The following ZFAT variants were observed in gnomAD, a reference collection of about 807,000 sequenced individuals.
ZFAT encodes zinc finger and AT-hook domain containing, also known as zinc finger protein ZFAT.
In ZFAT, 64 loss-of-function variants were observed where a neutral mutation model predicts 117.7. The ratio of observed to expected loss-of-function variants is 0.54; its 90% CI spans 0.44 to 0.67. The LOEUF is 0.67. ZFAT is among the 30% of genes least tolerant of loss of function. The pLI is 0.00. For missense variants in ZFAT, 1,433 were observed against 1,584.5 expected, an observed-to-expected ratio of 0.90 and a Z score of 1.62; for synonymous variants, 679 against 615.0, an observed-to-expected ratio of 1.10 and a Z score of -1.54.
intron 3 of ZFAT, among the ~76,000 whole-genome samples, chr8:134,634,174 G>A (rs191229797): frequency 2.8e-4 from 42 of 152,248 alleles, no homozygotes; most frequent in African/African-American, 8.9e-4. Flanking sequence ...ATAAAAAAGC[G>A]CTAGAAAACA....
At chr8:134,700,648 C>T (rs1042986278) in intron 1 of ZFAT, among the ~76,000 whole-genome samples, 4 of 152,194 alleles carry the variant, frequency 2.6e-5, no homozygotes, top group African/African-American at 7.2e-5. Context: ...CTGGCCAGTC[C>T]GGGGGGAGGC....
At chr8:134,506,785 T>C (rs530087799) in intron 15 of ZFAT, among the ~76,000 whole-genome samples, 5 of 152,230 alleles carry the variant, frequency 3.3e-5, no homozygotes, top group African/African-American at 4.8e-5. Flanking sequence ...TTATGTACAA[T>C]GTAGAATTTG....
intron 10 of ZFAT, among the ~76,000 whole-genome samples, chr8:134,566,176 C>G (rs551206594): frequency 6.6e-6 from 1 of 152,024 alleles, no homozygotes; most frequent in Admixed American, 6.6e-5. Context: ...GGGCAGATCA[C>G]GAGGTCAGGA....
chr8:134,830,222 G>T, the ZFAT span, among the ~76,000 whole-genome samples: 2 of 152,162 alleles, frequency 1.3e-5, no homozygotes, highest in Non-Finnish European at 2.9e-5. Flanking sequence ...TATATTACAA[G>T]AAATAATCTT....
chr8:134,729,606 C>T, the ZFAT span, among the ~76,000 whole-genome samples: 3 of 152,154 alleles, frequency 2.0e-5, no homozygotes, highest in East Asian at 5.8e-4. Flanking sequence ...ACCATTCTAC[C>T]ACCAGAGTTG....
chr8:134,640,850 A>G (rs1830539584), intron 2 of ZFAT, among the ~76,000 whole-genome samples: 1 of 152,220 alleles, frequency 6.6e-6, no homozygotes, highest in South Asian at 2.1e-4. Context: ...CTCGCATTTT[A>G]TGGCAGAGCT....
chr8:134,631,430 G>A lies in ZFAT; in HGVS notation c.448+6031C>T, dbSNP rs577802190. 1.3e-3 allele frequency among the ~76,000 whole-genome samples: 198 copies of A among 152,282 alleles called. 3 individuals carry two copies. The highest frequency in any genetic ancestry group is 4.3e-4 in the Non-Finnish European group (29 of 68,022). On this transcript the variant is annotated intron_variant, in intron 3 of 15. Transcript: ENST00000377838. ...GCAAACTGGTAACGGGGCAGGAGTCGGGAGACACGGGCCCCAACCAGCCCC... is the reference window on the plus strand; with the variant it reads ...GCAAACTGGTAACGGGGCAGGAGTCAGGAGACACGGGCCCCAACCAGCCCC...
At chr8:134,772,796 C>T in the ZFAT span, among the ~76,000 whole-genome samples, 4 of 152,074 alleles carry the variant, frequency 2.6e-5, no homozygotes, top group African/African-American at 7.2e-5. Context: ...TGTGGTGGCC[C>T]ACACCTGTAA....
intron 5 of ZFAT, among the ~76,000 whole-genome samples, chr8:134,607,901 A>ATC (rs1828015577): frequency 6.6e-6 from 1 of 152,210 alleles, no homozygotes; most frequent in Admixed American, 6.5e-5. Flanking sequence ...TATCTGGAGG[A>ATC]CAGTTTTTAA....
At chr8:134,681,628 C>T (rs1833073961) in intron 1 of ZFAT, among the ~76,000 whole-genome samples, 5 of 152,202 alleles carry the variant, frequency 3.3e-5, no homozygotes, top group Admixed American at 3.3e-4. Context: ...AAATCATCCT[C>T]CCTGCTTTGT....
chr8:134,504,631 C>T (rs919545294), intron 15 of ZFAT, among the ~76,000 whole-genome samples: 2 of 152,178 alleles, frequency 1.3e-5, no homozygotes, highest in African/African-American at 4.8e-5. Flanking sequence ...GCCAACATGA[C>T]TTCAAGAGGG....
At chr8:134,684,959 C>T (rs916102409) in intron 1 of ZFAT, among the ~76,000 whole-genome samples, 2 of 152,164 alleles carry the variant, frequency 1.3e-5, no homozygotes, top group Non-Finnish European at 1.5e-5. Context: ...GGAGTTTCCA[C>T]GTGTCAGCCA....
At chr8:134,695,722 G>GC (rs1224792624) in intron 1 of ZFAT, among the ~76,000 whole-genome samples, 1 of 145,532 alleles carries the variant, frequency 6.9e-6, no homozygotes, top group Non-Finnish European at 1.5e-5. Flanking sequence ...AGGAGGCGCT[G>GC]CCCCCAGGCC....
chr8:134,583,805 A>G, intron 10 of ZFAT, 27 bp downstream of exon 10: 2 of 1,610,440 alleles, frequency 1.2e-6, no homozygotes, highest in Non-Finnish European at 1.7e-6. Flanking sequence ...TTTAGAGGGG[A>G]AAGTTCACCT....
chr8:134,729,577 C>A, the ZFAT span, among the ~76,000 whole-genome samples: 945 of 152,266 alleles, frequency 6.2e-3, 10 homozygotes, highest in African/African-American at 0.021. Context: ...TTGTGATCCA[C>A]CCACCTCGGC....
chr8:134,737,796 C>T, the ZFAT span, among the ~76,000 whole-genome samples: 2 of 152,208 alleles, frequency 1.3e-5, no homozygotes, highest in Non-Finnish European at 2.9e-5. Context: ...GATACATCTA[C>T]AACCAGAACC....
chr8:134,482,175 C>T (rs1471195014), intron 15 of ZFAT, among the ~76,000 whole-genome samples: 3 of 152,156 alleles, frequency 2.0e-5, no homozygotes, highest in South Asian at 2.1e-4. Context: ...CTTCTCTGAC[C>T]CCCCGGGCAC....
At chr8:134,495,238 A>C (rs374368667) in intron 15 of ZFAT, among the ~76,000 whole-genome samples, 11 of 152,166 alleles carry the variant, frequency 7.2e-5, no homozygotes, top group African/African-American at 2.4e-4. Context: ...GGGAGCCAGC[A>C]TGGTTAGGTT....
At chr8:134,499,503 GC>G (rs1818792851) in intron 15 of ZFAT, among the ~76,000 whole-genome samples, 1 of 146,024 alleles carries the variant, frequency 6.8e-6, no homozygotes, top group African/African-American at 2.6e-5. Flanking sequence ...GGTAGGGTTG[GC>G]ATGGAGCTGG....
Sources: allele counts gnomAD v4.1 joint callset (sites outside exome capture counted in the v4.1 genomes callset), GRCh38; gene constraint gnomAD v4.1.1; transcripts MANE v1.5; gene names NCBI Gene and HGNC (gene_info 2026-07-23, HGNC 2026-07-21).